ZNF407: variants seen among roughly 807,000 people sequenced by gnomAD.
ZNF407 encodes the protein zinc finger protein 407.
In ZNF407, 17 loss-of-function variants were observed where a neutral mutation model predicts 131.2. That is an observed-to-expected ratio of 0.13 (90% CI 0.09 to 0.19). The LOEUF (loss-of-function observed/expected upper bound fraction) is 0.19. Ranked by LOEUF, ZNF407 falls within the 10% of genes least tolerant of loss-of-function variation. The pLI, the probability that ZNF407 is intolerant of heterozygous loss-of-function variation, is 1.00. For synonymous variants in ZNF407, 1,156 were observed against 1,062.0 expected (o/e 1.09, Z -1.72); for missense variants, 2,681 against 2,830.6 (o/e 0.95, Z 1.20).
intron 8 of ZNF407, among the ~76,000 whole-genome samples, chr18:75,018,801 G>A (rs888555560): frequency 2.6e-5 from 4 of 152,068 alleles, no homozygotes; most frequent in African/African-American, 9.7e-5. Flanking sequence ...AAAGTTTTAT[G>A]TGGCAAAGAA....
intron 3 of ZNF407, among the ~76,000 whole-genome samples, chr18:74,767,052 C>T (rs1202961542): frequency 1.3e-5 from 2 of 152,138 alleles, no homozygotes; most frequent in Admixed American, 1.3e-4. Context: ...GCTGGTACCA[C>T]AGGTGCGCAC....
chr18:74,994,440 T>C (rs1431894527), intron 8 of ZNF407, among the ~76,000 whole-genome samples: 1 of 152,208 alleles, frequency 6.6e-6, no homozygotes, highest in Admixed American at 6.5e-5. Context: ...GCATGCAAAT[T>C]TCCTGTGAGG....
intron 3 of ZNF407, among the ~76,000 whole-genome samples, chr18:74,715,068 G>A (rs987477506): frequency 2.6e-5 from 4 of 152,058 alleles, no homozygotes; most frequent in South Asian, 4.2e-4. Flanking sequence ...AAACCTACAC[G>A]TGAACCAGTT....
intron 8 of ZNF407, among the ~76,000 whole-genome samples, chr18:75,002,669 G>T (rs952759340): frequency 6.6e-6 from 1 of 152,102 alleles, no homozygotes; most frequent in African/African-American, 2.4e-5. Flanking sequence ...ACCGGGCGTG[G>T]TGACGGGCGC....
chr18:74,972,618 G>A (rs537523848), intron 8 of ZNF407, among the ~76,000 whole-genome samples: 1 of 152,292 alleles, frequency 6.6e-6, no homozygotes, highest in Admixed American at 6.5e-5. Context: ...GTATTTTAAA[G>A]CTCTGTTGCT....
At chr18:74,625,855 T>C (rs1983763952) in intron 1 of ZNF407, among the ~76,000 whole-genome samples, 2 of 152,230 alleles carry the variant, frequency 1.3e-5, no homozygotes, top group Non-Finnish European at 2.9e-5. Context: ...TCTTGGGATA[T>C]ATGGCTGGAT....
chr18:74,919,146 T>G (rs1040937623), intron 7 of ZNF407, among the ~76,000 whole-genome samples: 4 of 152,222 alleles, frequency 2.6e-5, no homozygotes, highest in Admixed American at 6.5e-5. Flanking sequence ...CTGCCTCGCT[T>G]GGACGATACT....
intron 3 of ZNF407, among the ~76,000 whole-genome samples, chr18:74,704,518 T>C (rs1321181865): frequency 1.3e-5 from 2 of 152,128 alleles, no homozygotes; most frequent in Non-Finnish European, 2.9e-5. Context: ...GATAGATCAG[T>C]TTTCTTTTTA....
chr18:74,970,672 G>A (rs1025117711), intron 8 of ZNF407, among the ~76,000 whole-genome samples: 3 of 152,190 alleles, frequency 2.0e-5, no homozygotes, highest in Admixed American at 1.3e-4. Context: ...GCAGGGTATA[G>A]CCCCCCTCCT....
chr18:75,044,404 G>A (rs1362414647), intron 8 of ZNF407, among the ~76,000 whole-genome samples: 1 of 151,378 alleles, frequency 6.6e-6, no homozygotes, highest in African/African-American at 2.4e-5. Context: ...TTTAGAACTA[G>A]ACTCCTTGGC....
intron 4 of ZNF407, among the ~76,000 whole-genome samples, chr18:74,820,825 T>A (rs1970330234): frequency 6.6e-6 from 1 of 152,042 alleles, no homozygotes; most frequent in African/African-American, 2.4e-5. Flanking sequence ...AAATGGGGCA[T>A]CACCTATGCC....
intron 1 of ZNF407, among the ~76,000 whole-genome samples, chr18:74,612,373 T>A (rs1983100903): frequency 6.6e-6 from 1 of 152,204 alleles, no homozygotes; most frequent in Admixed American, 6.5e-5. Flanking sequence ...GATTTTGTTA[T>A]ATTTTGCACA....
chr18:74,901,880 A>C (rs1322494469), intron 7 of ZNF407, among the ~76,000 whole-genome samples: 3 of 151,590 alleles, frequency 2.0e-5, no homozygotes, highest in African/African-American at 7.3e-5. Context: ...TTCTGTAAAA[A>C]AGAGTCAACA....
chr18:74,959,308 C>T (rs1395115337), intron 8 of ZNF407, among the ~76,000 whole-genome samples: 1 of 152,254 alleles, frequency 6.6e-6, no homozygotes, highest in Admixed American at 6.5e-5. Context: ...TCATGACAAT[C>T]GTTGTTTAAG....
At chr18:74,662,154 T>G (rs924482224) in intron 3 of ZNF407, among the ~76,000 whole-genome samples, 1 of 152,166 alleles carries the variant, frequency 6.6e-6, no homozygotes, top group Non-Finnish European at 1.5e-5. Context: ...ATTCACTGAT[T>G]CTGTGAAACC....
chr18:74,739,779 A>G (rs1968505774), intron 3 of ZNF407, among the ~76,000 whole-genome samples: 1 of 152,228 alleles, frequency 6.6e-6, no homozygotes, highest in South Asian at 2.1e-4. Context: ...TGAGAAAAAT[A>G]TGAAATGCAA....
chr18:75,028,975 G>A (rs1400676192), intron 8 of ZNF407, among the ~76,000 whole-genome samples: 1 of 152,160 alleles, frequency 6.6e-6, no homozygotes, highest in Non-Finnish European at 1.5e-5. Flanking sequence ...TCTGTATCGG[G>A]ATATTCTGCC....
intron 3 of ZNF407, among the ~76,000 whole-genome samples, chr18:74,645,079 T>A (rs575395543): frequency 5.9e-5 from 9 of 151,858 alleles, no homozygotes; most frequent in Non-Finnish European, 1.3e-4. Flanking sequence ...TTATTAAGTG[T>A]TGTTTTAAAT....
intron 7 of ZNF407, among the ~76,000 whole-genome samples, chr18:74,913,789 A>G (rs1971707558): frequency 6.6e-6 from 1 of 152,212 alleles, no homozygotes. Context: ...AATAACATAA[A>G]CAGGCTTTTT....
Sources: gnomAD v4.1 joint callset for allele counts (sites outside exome capture counted in the v4.1 genomes callset) on GRCh38, gnomAD v4.1.1 for gene constraint, MANE v1.5 for transcripts, NCBI Gene and HGNC (gene_info 2026-07-23, HGNC 2026-07-21) for gene names.